THADA: variants seen among roughly 807,000 people sequenced by gnomAD.
The protein encoded by THADA is tRNA (32-2'-O)-methyltransferase regulator THADA.
Under a neutral mutation model 219.8 loss-of-function variants are expected in THADA, and 213 were observed. The observed-to-expected ratio is 0.97, with a 90% CI of 0.87 to 1.09. The LOEUF (loss-of-function observed/expected upper bound fraction) is 1.09. THADA is among the 50% of genes least tolerant of loss of function. The pLI is 0.00. For synonymous variants in THADA, 1,018 were observed against 828.9 expected, an observed-to-expected ratio of 1.23 and a Z score of -3.92; for missense variants, 2,956 against 2,311.3, an observed-to-expected ratio of 1.28 and a Z score of -5.72.
intron 16 of THADA, 145 bp from the exon 17 acceptor site, chr2:43,556,700 G>C: frequency 1.4e-6 from 1 of 716,110 alleles, no homozygotes; most frequent in Non-Finnish European, 2.2e-6. Context: ...TGATGGAGGA[G>C]GATTACTTGA....
chr2:43,515,049 T>TA, intron 22 of THADA, among the ~76,000 whole-genome samples: 1 of 58,454 alleles, frequency 1.7e-5, no homozygotes, highest in African/African-American at 7.1e-5. Flanking sequence ...AATATATATA[T>TA]TTTATATATA....
rs1667338311 is a variant in THADA, at chr2:43,230,925, C to CA, written c.*22dup. On this transcript the variant is annotated 3_prime_UTR_variant, in exon 38 of 38. Transcript: ENST00000405975. ...TGGAGGAAAAATCCACACATACCCC[C>CA]ATCCCAATCCCCCAGATTTTCTTCA... is the stretch of plus-strand genomic sequence containing the variant. The CA allele has an allele frequency of 1.3e-6, 2 of 1,586,838 alleles. No individual in the cohort carries two copies.
chr2:43,409,826 C>A (rs1228945098), intron 28 of THADA, among the ~76,000 whole-genome samples: 1 of 151,728 alleles, frequency 6.6e-6, no homozygotes, highest in African/African-American at 2.4e-5. Context: ...TCGAGACCAG[C>A]CTGGGCAAAA....
At chr2:43,366,541 G>C (rs766180606) in intron 29 of THADA, among the ~76,000 whole-genome samples, 2 of 152,180 alleles carry the variant, frequency 1.3e-5, no homozygotes, top group Non-Finnish European at 2.9e-5. Context: ...GGGAAGAGAG[G>C]AGGAGGTAGC....
chr2:43,521,051 G>T (rs1053948096), intron 22 of THADA, among the ~76,000 whole-genome samples: 1 of 140,024 alleles, frequency 7.1e-6, no homozygotes, highest in Admixed American at 7.2e-5. Flanking sequence ...GGAAGGGAAG[G>T]AAGAGAAGGA....
intron 30 of THADA, among the ~76,000 whole-genome samples, chr2:43,324,013 C>T (rs1679046237): frequency 6.6e-6 from 1 of 152,098 alleles, no homozygotes; most frequent in East Asian, 1.9e-4. Context: ...CTGGGTGTTC[C>T]TTAGTGTAAT....
intron 26 of THADA, among the ~76,000 whole-genome samples, chr2:43,447,698 C>T (rs1681753783): frequency 6.6e-6 from 1 of 152,170 alleles, no homozygotes; most frequent in South Asian, 2.1e-4. Flanking sequence ...CAGGAACTGT[C>T]TCACAAGCCC....
Position 43,398,053 on chromosome 2 carries a change from G to A in THADA, c.4145C>T (p.Thr1382Ile), listed in dbSNP as rs1457327803. 3.7e-6 allele frequency: 6 copies of A among 1,614,012 alleles called. No homozygotes were observed. The highest frequency in any genetic ancestry group is 5.1e-6 in the Non-Finnish European group (6 of 1,179,870). Reference protein sequence around the residue: ...PFVMIDHIPNTIRTLLSTLPS... With the variant: ...PFVMIDHIPNIIRTLLSTLPS... ...GAGTGTGGACAACAGAGTTCGAATGGTATTAGGAATGTGATCTATCATAAC... is the reference window on the plus strand; with the variant it reads ...GAGTGTGGACAACAGAGTTCGAATGATATTAGGAATGTGATCTATCATAAC... Residue 1382 changes from threonine to isoleucine, a missense_variant, in exon 29 of 38, where the codon ACC becomes ATC. By Grantham distance (89) the Thr-to-Ile change is moderately conservative (BLOSUM62 -1). Transcript: ENST00000405975.
rs1055424643 is a variant in THADA, at chr2:43,537,164, C to T, written c.3264+3995G>A. Among the ~76,000 whole-genome samples the T allele has an allele frequency of 2.0e-5, 3 of 152,226 alleles. No individual in the cohort carries two copies. In the South Asian group the frequency reaches 6.2e-4, roughly 32 times the overall value. On this transcript the variant is annotated intron_variant, in intron 21 of 37. Coordinates refer to ENST00000405975, the MANE Select transcript of THADA (RefSeq NM_022065.5). The stretch of plus-strand genomic sequence containing the variant: ...TCAAAGCTCAAACACTGTTCTCCTA[C>T]AAAACAACAAAGGTAATAATTTTCT...
intron 32 of THADA, 96 bp from the exon 33 acceptor site, chr2:43,292,318 C>T: frequency 1.3e-6 from 1 of 796,128 alleles, no homozygotes; most frequent in Middle Eastern, 3.4e-4. Flanking sequence ...AACAAGAGGT[C>T]TACCTTTCAA....
chr2:43,535,696 A>AAAAAG, intron 21 of THADA, among the ~76,000 whole-genome samples: 2 of 151,578 alleles, frequency 1.3e-5, no homozygotes, highest in African/African-American at 4.8e-5. Flanking sequence ...AAAAAAAAAA[A>AAAAAG]AAAAGAAAAA....
intron 31 of THADA, among the ~76,000 whole-genome samples, chr2:43,295,852 A>T (rs1675305024): frequency 6.6e-6 from 1 of 151,790 alleles, no homozygotes; most frequent in African/African-American, 2.4e-5. Flanking sequence ...TGGGGACTGG[A>T]CTTGGGCTCC....
At chr2:43,502,961 T>C (rs908882803) in intron 24 of THADA, among the ~76,000 whole-genome samples, 1 of 152,060 alleles carries the variant, frequency 6.6e-6, no homozygotes, top group Non-Finnish European at 1.5e-5. Flanking sequence ...AAAAGGCTAA[T>C]AAACATATGA....
chr2:43,488,414 T>C (rs182558418), intron 25 of THADA, among the ~76,000 whole-genome samples: 1 of 152,320 alleles, frequency 6.6e-6, no homozygotes, highest in Non-Finnish European at 1.5e-5. Flanking sequence ...ATACTTCATA[T>C]ACATGGGATC....
chr2:43,503,271 C>T (rs1014345481), intron 24 of THADA, among the ~76,000 whole-genome samples: 2 of 152,124 alleles, frequency 1.3e-5, no homozygotes, highest in Non-Finnish European at 2.9e-5. Context: ...TTTGTTTCAG[C>T]ATTGTTTGTA....
intron 26 of THADA, among the ~76,000 whole-genome samples, chr2:43,480,569 T>C (rs576753735): frequency 6.6e-6 from 1 of 152,182 alleles, no homozygotes; most frequent in South Asian, 2.1e-4. Flanking sequence ...CCCAGCACTT[T>C]GGGAGGCTGA....
chr2:43,310,680 A>C (rs1181298523), intron 31 of THADA, among the ~76,000 whole-genome samples: 1 of 152,230 alleles, frequency 6.6e-6, no homozygotes, highest in Non-Finnish European at 1.5e-5. Context: ...TGGATTAGGC[A>C]ATTATTTTAG....
chr2:43,440,168 T>A (rs1680666439), intron 26 of THADA, among the ~76,000 whole-genome samples: 1 of 152,216 alleles, frequency 6.6e-6, no homozygotes, highest in African/African-American at 2.4e-5. Flanking sequence ...TACTTTTAGT[T>A]TGTAGTTTTT....
chr2:43,495,946 T>C (rs1040580132), intron 25 of THADA, among the ~76,000 whole-genome samples: 3 of 152,176 alleles, frequency 2.0e-5, no homozygotes, highest in Non-Finnish European at 4.4e-5. Context: ...TCCAGAAGTG[T>C]GTATCTCTTA....
Sources: gnomAD v4.1 joint callset for allele counts (sites outside exome capture counted in the v4.1 genomes callset) on GRCh38, gnomAD v4.1.1 for gene constraint, MANE v1.5 for transcripts, NCBI Gene and HGNC (gene_info 2026-07-23, HGNC 2026-07-21) for gene names.